Variants in RARB observed in about 807,000 individuals in gnomAD.
RARB encodes the protein retinoic acid receptor beta.
In RARB, 17 loss-of-function variants were observed where a neutral mutation model predicts 51.9. The observed-to-expected ratio is 0.33, with a 90% CI of 0.22 to 0.49. The LOEUF (loss-of-function observed/expected upper bound fraction) is 0.49. Among genes scored for constraint, RARB ranks in the 20% least tolerant of loss-of-function variants. The pLI is 0.99. For synonymous variants in RARB, 215 were observed against 195.4 expected, an observed-to-expected ratio of 1.10 and a Z score of -0.84; for missense variants, 369 against 550.8, an observed-to-expected ratio of 0.67 and a Z score of 3.30.
At chr3:25,059,997 A>C (rs906321756) in intron 2 of RARB, 1 of 151,772 alleles carries the variant, frequency 6.6e-6, no homozygotes, top group Non-Finnish European at 1.5e-5. Flanking sequence ...CCTGGCAAGC[A>C]TCTTTCCCTA....
chr3:24,832,798 C>T (rs964649727), intron 1 of RARB, among the ~76,000 whole-genome samples: 4 of 151,748 alleles, frequency 2.6e-5, no homozygotes, highest in African/African-American at 9.7e-5. Flanking sequence ...TTACTAGTTA[C>T]GAGAACCTGA....
chr3:24,908,973 G>A (rs1421960858), intron 2 of RARB, among the ~76,000 whole-genome samples: 3 of 152,070 alleles, frequency 2.0e-5, no homozygotes, highest in Non-Finnish European at 4.4e-5. Context: ...TCAATTTGCT[G>A]AAGACTTCAG....
chr3:25,142,347 A>C (rs1700120074), intron 4 of RARB, among the ~76,000 whole-genome samples: 1 of 152,108 alleles, frequency 6.6e-6, no homozygotes, highest in Non-Finnish European at 1.5e-5. Context: ...AAAAGAAATA[A>C]TAAAAAAAAA....
At chr3:25,496,338 T>G (rs1697031574) in intron 2 of RARB, among the ~76,000 whole-genome samples, 1 of 152,220 alleles carries the variant, frequency 6.6e-6, no homozygotes, top group African/African-American at 2.4e-5. Context: ...GGGTCTTCCC[T>G]TCCTCCATCC....
intron 2 of RARB, among the ~76,000 whole-genome samples, chr3:25,470,980 T>A (rs189600652): frequency 7.2e-5 from 11 of 152,122 alleles, no homozygotes; most frequent in African/African-American, 2.7e-4. Context: ...TTATCATAAG[T>A]TATATCTAAT....
intron 3 of RARB, among the ~76,000 whole-genome samples, chr3:25,119,463 G>A (rs1343184747): frequency 4.6e-5 from 7 of 152,106 alleles, no homozygotes; most frequent in Non-Finnish European, 1.0e-4. Flanking sequence ...AGTAATCGAT[G>A]TTAAGAGAAC....
At chr3:25,589,805 G>C (rs965901697) in intron 5 of RARB, among the ~76,000 whole-genome samples, 56 of 152,254 alleles carry the variant, frequency 3.7e-4, no homozygotes, top group African/African-American at 1.3e-3. Flanking sequence ...TGGTGAGACA[G>C]CCTGGCCTAG....
At chr3:25,213,057 T>G (rs1286654248) in intron 5 of RARB, among the ~76,000 whole-genome samples, 1 of 152,148 alleles carries the variant, frequency 6.6e-6, no homozygotes, top group East Asian at 1.9e-4. Context: ...TTTTTTTTCC[T>G]TGCTCACAAC....
intron 4 of RARB, among the ~76,000 whole-genome samples, chr3:25,146,608 C>T (rs1409051643): frequency 2.6e-5 from 4 of 151,048 alleles, no homozygotes; most frequent in South Asian, 4.2e-4. Flanking sequence ...CCCGGGTTCT[C>T]GCCATTCTCC....
intron 1 of RARB, among the ~76,000 whole-genome samples, chr3:25,434,738 C>A (rs1559400025): frequency 6.6e-6 from 1 of 151,878 alleles, no homozygotes; most frequent in Non-Finnish European, 1.5e-5. Context: ...GATGGGGTTT[C>A]ACTATGTTGG....
intron 3 of RARB, among the ~76,000 whole-genome samples, chr3:25,504,590 G>A (rs529873255): frequency 6.6e-6 from 1 of 152,142 alleles, no homozygotes; most frequent in Non-Finnish European, 1.5e-5. Context: ...AGAAAGACAG[G>A]AGGCAAAAAT....
At chr3:25,175,898 G>C (rs1700734930) in intron 5 of RARB, among the ~76,000 whole-genome samples, 1 of 152,134 alleles carries the variant, frequency 6.6e-6, no homozygotes, top group South Asian at 2.1e-4. Flanking sequence ...CAGAGAAATG[G>C]ACATAGTACC....
chr3:25,498,761 C>T lies in RARB; in HGVS notation c.307-2421C>T, dbSNP rs561149410. Among the ~76,000 whole-genome samples the T allele has an allele frequency of 3.3e-5, 5 of 152,232 alleles. No homozygotes were observed. The South Asian group carries it at 6.2e-4, about 19-fold the overall frequency. ...TTGTCCATACCTCATTTTCTTCCCA[C>T]GTATATAAAAGACCATGTTTTCCAT... On this transcript the variant is annotated intron_variant, in intron 2 of 7. Transcript: ENST00000330688.
chr3:25,597,683 G>T lies in RARB; in HGVS notation c.*1067G>T, dbSNP rs1701919699. 6.6e-6 allele frequency: 1 copy of T among 152,430 alleles called. No individual in the cohort carries two copies. Among genetic ancestry groups the T allele is most frequent in the East Asian group, 1.9e-4 (1 of 5,176 alleles). The allele number at this position is 152,430 out of a possible 1,614,324, so 9.4% of individuals were successfully genotyped here. ...CATAGAATCTGCCTCCTTTGACCTT[G>T]TTCAATCACTATGAAGCAGAGTGAA... On this transcript the variant is annotated 3_prime_UTR_variant, in exon 8 of 8. Transcript: ENST00000330688.
At chr3:24,916,078 C>T (rs563379595) in intron 2 of RARB, among the ~76,000 whole-genome samples, 11 of 152,182 alleles carry the variant, frequency 7.2e-5, no homozygotes, top group Non-Finnish European at 1.5e-4. Flanking sequence ...TTAATAAAAA[C>T]TAGGCCTGTC....
At chr3:25,547,317 C>G (rs1699656831) in intron 3 of RARB, among the ~76,000 whole-genome samples, 1 of 152,172 alleles carries the variant, frequency 6.6e-6, no homozygotes, top group African/African-American at 2.4e-5. Flanking sequence ...AAAGGCCTGT[C>G]TGTACATGAA....
rs552780076 is a variant in RARB, at chr3:24,915,433, A to C, written c.-380+56681A>C. 5.9e-5 allele frequency among the ~76,000 whole-genome samples: 9 copies of C among 152,222 alleles called. No individual in the cohort carries two copies. In the South Asian group the frequency reaches 1.9e-3, roughly 32 times the overall value. ...GCATTTTACACTTACAGTATATCTC[A>C]ATTCTGAGGAGCTATATTTCCACTG... On this transcript the variant is annotated intron_variant, in intron 2 of 11. Coordinates refer to the RARB transcript ENST00000383772.
intron 2 of RARB, among the ~76,000 whole-genome samples, chr3:24,891,948 T>A (rs1703387663): frequency 6.6e-6 from 1 of 151,974 alleles, no homozygotes; most frequent in South Asian, 2.1e-4. Flanking sequence ...TGGGGGACAG[T>A]GGTTGAGAAT....
intron 2 of RARB, among the ~76,000 whole-genome samples, chr3:25,033,694 C>T (rs1030517341): frequency 1.5e-4 from 23 of 152,180 alleles, no homozygotes; most frequent in Admixed American, 3.3e-4. Flanking sequence ...GCAGCTTTAT[C>T]TCTGCCTTCC....
Sources: allele counts gnomAD v4.1 joint callset (sites outside exome capture counted in the v4.1 genomes callset), GRCh38; gene constraint gnomAD v4.1.1; transcripts MANE v1.5; gene names NCBI Gene and HGNC (gene_info 2026-07-23, HGNC 2026-07-21).